The following MLIP variants were observed in gnomAD, a reference collection of about 807,000 sequenced individuals.
MLIP encodes muscular LMNA-interacting protein.
A neutral mutation model predicts 84.8 loss-of-function variants in MLIP; 79 were observed. The observed-to-expected ratio is 0.93, with a 90% confidence interval of 0.78 to 1.12. MLIP has a LOEUF of 1.12. MLIP is among the 50% of genes most tolerant of loss of function. The pLI, the probability that MLIP is intolerant of heterozygous loss-of-function variation, is 0.00. For missense variants in MLIP, 1,257 were observed against 1,160.6 expected, an observed-to-expected ratio of 1.08 and a Z score of -1.21; for synonymous variants, 504 against 463.0, an observed-to-expected ratio of 1.09 and a Z score of -1.14.
chr6:54,162,723 C>A (rs1582341971), intron 8 of MLIP, among the ~76,000 whole-genome samples: 1 of 151,998 alleles, frequency 6.6e-6, no homozygotes, highest in East Asian at 2.0e-4. Flanking sequence ...TAGTGGCAGG[C>A]AGAGGGTTAT....
intron 1 of MLIP, among the ~76,000 whole-genome samples, chr6:54,038,322 C>T (rs1056548630): frequency 9.2e-5 from 14 of 151,874 alleles, no homozygotes; most frequent in African/African-American, 2.9e-4. Context: ...TTGTTCATTC[C>T]TGAGGTTCTC....
intron 1 of MLIP, chr6:54,083,755 T>C: frequency 1.1e-6 from 1 of 933,810 alleles, no homozygotes; most frequent in Non-Finnish European, 1.6e-6. Context: ...CATGGCTGTT[T>C]ATAATGGTAT....
At chr6:54,251,711 A>ATG (rs1782531388) in intron 12 of MLIP, among the ~76,000 whole-genome samples, 1 of 61,558 alleles carries the variant, frequency 1.6e-5, no homozygotes. Flanking sequence ...CATATGATAC[A>ATG]TATATATTAT....
In MLIP at chr6:54,137,496, C is replaced by T. The variant is rs1771918049; in HGVS notation, c.1427C>T (p.Pro476Leu). The part of the protein sequence containing the change: ...LSSCSLRAGS[P>L]DQGELQVSEL... ...AGTTGTTCCCTGAGAGCCGGGTCAC[C>T]AGATCAAGGGGAACTCCAGGTTTCT... The change falls in exon 4 of 14, where the codon CCA becomes CTA. Residue 476 changes from proline (P) to leucine (L), a missense_variant. By Grantham distance (98) the Pro-to-Leu change is moderately conservative. Coordinates refer to ENST00000502396, the MANE Select transcript of MLIP (RefSeq NM_001281747.2). 2.6e-6 allele frequency: 4 copies of T among 1,536,104 alleles called. No homozygotes were observed. The highest frequency in any genetic ancestry group is 3.5e-6 in the Non-Finnish European group (4 of 1,146,898).
chr6:54,230,973 T>G, intron 12 of MLIP, 56 bp downstream of exon 12: 1 of 1,508,322 alleles, frequency 6.6e-7, no homozygotes, highest in South Asian at 1.2e-5. Flanking sequence ...TTCATTACGC[T>G]TGACTTTTAA....
chr6:54,221,406 A>G (rs548026629), intron 11 of MLIP, among the ~76,000 whole-genome samples: 2 of 152,294 alleles, frequency 1.3e-5, no homozygotes, highest in South Asian at 4.1e-4. Context: ...CTTTTAAAAC[A>G]AAGTGTAGTG....
At chr6:54,025,736 G>A (rs942713814) in intron 1 of MLIP, among the ~76,000 whole-genome samples, 1 of 127,472 alleles carries the variant, frequency 7.8e-6, no homozygotes, top group African/African-American at 2.6e-5. Context: ...GCCCCCATAC[G>A]TTAACTCCCC....
chr6:54,081,050 C>A (rs996053319), intron 1 of MLIP, among the ~76,000 whole-genome samples: 15 of 152,144 alleles, frequency 9.9e-5, no homozygotes, highest in Non-Finnish European at 1.5e-5. Context: ...CCCTTCAAGA[C>A]TCAAGCCAAG....
intron 3 of MLIP, among the ~76,000 whole-genome samples, chr6:54,129,277 T>C (rs1251936468): frequency 6.6e-6 from 1 of 152,150 alleles, no homozygotes; most frequent in African/African-American, 2.4e-5. Context: ...TACAATAGCC[T>C]TCATGTGTCT....
Position 54,137,812 on chromosome 6 carries a change from G to A in MLIP, c.1743G>A (p.Thr581=), listed in dbSNP as rs557689140. The A allele has an allele frequency of 5.2e-3, 7,938 of 1,535,966 alleles. 37 individuals are homozygous for A. The highest frequency in any genetic ancestry group is 6.4e-3 in the Non-Finnish European group (7,384 of 1,146,872). Reference sequence around the variant, plus strand: ...CAGAAAACCCCAGAAACATTCACACGTACCCTTCTACATTAGCCTCCTCTG... The same window carrying A: ...CAGAAAACCCCAGAAACATTCACACATACCCTTCTACATTAGCCTCCTCTG... The part of the protein sequence containing the change: ...RGPENPRNIH[T]YPSTLASSAL... Residue 581 remains threonine (T), a synonymous_variant, in exon 4 of 14, where the codon ACG becomes ACA. Transcript: ENST00000502396.
intron 11 of MLIP, among the ~76,000 whole-genome samples, chr6:54,202,824 G>C (rs571773002): frequency 6.6e-6 from 1 of 152,302 alleles, no homozygotes; most frequent in East Asian, 1.9e-4. Flanking sequence ...TTGAAGCCCA[G>C]GCGGTTGAGG....
At chr6:54,114,728 T>A (rs1200895146) in intron 1 of MLIP, among the ~76,000 whole-genome samples, 1 of 152,128 alleles carries the variant, frequency 6.6e-6, no homozygotes, top group Non-Finnish European at 1.5e-5. Context: ...TCCATGAGGG[T>A]AGGGATTTTT....
chr6:54,104,390 T>C (rs1267611819), intron 1 of MLIP, among the ~76,000 whole-genome samples: 1 of 152,218 alleles, frequency 6.6e-6, no homozygotes, highest in East Asian at 1.9e-4. Flanking sequence ...TGGTTCACTA[T>C]GGAATCTCTG....
At chr6:54,113,565 G>A (rs926354348) in intron 1 of MLIP, among the ~76,000 whole-genome samples, 10 of 152,172 alleles carry the variant, frequency 6.6e-5, no homozygotes, top group Admixed American at 1.3e-4. Context: ...CTTTAAAGGC[G>A]AAAAGAATAT....
intron 12 of MLIP, among the ~76,000 whole-genome samples, chr6:54,239,625 A>G (rs1781599112): frequency 6.9e-6 from 1 of 144,434 alleles, no homozygotes; most frequent in African/African-American, 2.5e-5. Context: ...TAAAAATACA[A>G]AAAAAAAAAA....
At chr6:54,035,505 G>A (rs902124736) in intron 1 of MLIP, among the ~76,000 whole-genome samples, 17 of 151,984 alleles carry the variant, frequency 1.1e-4, no homozygotes, top group African/African-American at 4.1e-4. Flanking sequence ...GAGACATATG[G>A]TAAGTCCATT....
At chr6:54,257,518 T>C (rs1010835449) in intron 13 of MLIP, among the ~76,000 whole-genome samples, 157 bp downstream of exon 13, 3 of 152,168 alleles carry the variant, frequency 2.0e-5, no homozygotes, top group African/African-American at 7.2e-5. Flanking sequence ...AAGGATTTGA[T>C]AGTGAAATAA....
chr6:54,089,424 C>A (rs191731006), intron 1 of MLIP, among the ~76,000 whole-genome samples: 2 of 152,054 alleles, frequency 1.3e-5, no homozygotes, highest in South Asian at 4.2e-4. Context: ...GGATTCAAAG[C>A]TGTACTTTTT....
chr6:54,228,311 A>G (rs1477955460), intron 11 of MLIP, among the ~76,000 whole-genome samples: 1 of 152,178 alleles, frequency 6.6e-6, no homozygotes, highest in African/African-American at 2.4e-5. Context: ...CATAATGTAT[A>G]CAAACATAGA....
Sources: allele counts gnomAD v4.1 joint callset (sites outside exome capture counted in the v4.1 genomes callset), GRCh38; gene constraint gnomAD v4.1.1; transcripts MANE v1.5; gene names NCBI Gene and HGNC (gene_info 2026-07-23, HGNC 2026-07-21).